The following ABCC8 variants were observed in gnomAD, a reference collection of about 807,000 sequenced individuals.
The protein encoded by ABCC8 is ATP-binding cassette sub-family C member 8.
ABCC8 carries 137 observed loss-of-function variants against 188.0 expected under a neutral mutation model. The ratio of observed to expected loss-of-function variants is 0.73; its 90% CI spans 0.63 to 0.84. The LOEUF is 0.84. ABCC8 is among the 40% of genes least tolerant of loss of function. The probability of loss-of-function intolerance (pLI) is 0.00; values close to 1 mark genes in which losing one functional copy is unlikely to be tolerated. For missense variants in ABCC8, 1,750 were observed against 2,072.7 expected (o/e 0.84, Z 3.02); for synonymous variants, 797 against 846.5 (o/e 0.94, Z 1.01).
At chr11:17,406,270 G>A (rs747577123) in intron 26 of ABCC8, among the ~76,000 whole-genome samples, 2 of 152,154 alleles carry the variant, frequency 1.3e-5, no homozygotes, top group Non-Finnish European at 2.9e-5. Context: ...CTGAGGGAGA[G>A]AGAGTGAGGG....
rs748434141 is a variant in ABCC8, at chr11:17,407,031, C to T, written c.3019G>A (p.Ala1007Thr). 27 of 1,614,042 alleles carry T rather than the reference C, an allele frequency of 1.7e-5. No individual in the cohort carries two copies. Among genetic ancestry groups the T allele is most frequent in the South Asian group, 6.6e-5 (6 of 91,092 alleles). The change falls in exon 25 of 39, where the codon GCC (alanine) becomes ACC (threonine). Residue 1007 changes from alanine to threonine, a missense_variant. Ala to Thr is a moderately conservative substitution (Grantham distance 58). Transcript: ENST00000389817. ...AGCAACGACAGGAGCAGGATGCCGG[C>T]GGAGGACAGGTACTTGGCGCAGGCT... ...WRACAKYLSS[A>T]GILLLSLLVF...
At chr11:17,442,946 C>T in intron 9 of ABCC8, 64 bp from the exon 10 acceptor site, 1 of 1,604,280 alleles carries the variant, frequency 6.2e-7, no homozygotes, top group South Asian at 1.1e-5. Flanking sequence ...AGAGGAAGGC[C>T]TGAGTGTCAA....
chr11:17,473,371 TC>T (rs1237896384), intron 2 of ABCC8, among the ~76,000 whole-genome samples: 2 of 152,040 alleles, frequency 1.3e-5, no homozygotes, highest in African/African-American at 4.8e-5. Context: ...AGCTGCTGCC[TC>T]CAAGTCAAGC....
chr11:17,401,686 T>G (rs1284675308), intron 29 of ABCC8, among the ~76,000 whole-genome samples: 1 of 152,178 alleles, frequency 6.6e-6, no homozygotes, highest in Non-Finnish European at 1.5e-5. Context: ...AGCCCAACTT[T>G]GTGTGTCAGG....
At position 17,443,170 on chromosome 11, in the gene ABCC8, G is replaced by T. The variant is rs1218507375; in HGVS notation, c.1467+8C>A. 2 of 1,613,934 alleles carry T rather than the reference G, an allele frequency of 1.2e-6. No homozygotes were observed. The highest frequency in any genetic ancestry group is 1.7e-6 in the Non-Finnish European group (2 of 1,179,992). Reference sequence around the variant, plus strand: ...AGGGACAAAACACACACACCTTTGGGCACTCACCAGTGTGCTCCGCTGGGC... The same window carrying T: ...AGGGACAAAACACACACACCTTTGGTCACTCACCAGTGTGCTCCGCTGGGC... On this transcript the variant is annotated splice_region_variant and intron_variant, in intron 9 of 38. Coordinates refer to ENST00000389817, the MANE Select transcript of ABCC8 (RefSeq NM_000352.6).
At chr11:17,421,392 G>A (rs1050353062) in intron 16 of ABCC8, among the ~76,000 whole-genome samples, 1 of 152,236 alleles carries the variant, frequency 6.6e-6, no homozygotes. Context: ...CATGTGGAAA[G>A]GAGAGAGATG....
intron 7 of ABCC8, among the ~76,000 whole-genome samples, chr11:17,450,260 CTCT>C (rs1956719191): frequency 4.4e-5 from 3 of 67,664 alleles, no homozygotes; most frequent in African/African-American, 2.1e-4. Context: ...TTCTTTCTTT[CTCT>C]TTCTTTCTTT....
intron 19 of ABCC8, 108 bp from the exon 20 acceptor site, chr11:17,413,586 T>A: frequency 1.2e-6 from 2 of 1,608,208 alleles, no homozygotes; most frequent in African/African-American, 1.3e-5. Flanking sequence ...GGGTGAGCAA[T>A]GGCTTTAATA....
chr11:17,460,503 G>A lies in ABCC8; in HGVS notation c.996C>T (p.Asp332=), dbSNP rs538923562. 2.4e-5 allele frequency: 39 copies of A among 1,614,002 alleles called. No homozygotes were observed. The highest frequency in any genetic ancestry group is 3.2e-5 in the Non-Finnish European group (38 of 1,180,034). The change falls in exon 6 of 39, where the codon GAC becomes GAT. Residue 332 remains aspartate (D), a synonymous_variant. Coordinates refer to ENST00000389817, the MANE Select transcript of ABCC8 (RefSeq NM_000352.6). The part of the protein sequence containing the change: ...GIVDHLGKEN[D]VFQPKTQFLG... ...GGCTGCCTACCTTGGGCTGGAAGAC[G>A]TCGTTCTCCTTCCCAAGGTGGTCCA... is the stretch of plus-strand genomic sequence containing the variant.
chr11:17,464,981 G>A (rs1369087535), intron 3 of ABCC8, among the ~76,000 whole-genome samples: 2 of 152,250 alleles, frequency 1.3e-5, no homozygotes, highest in East Asian at 3.8e-4. Flanking sequence ...GATCTGTCCT[G>A]CCTGGCTCAG....
chr11:17,463,288 C>T (rs563959394), intron 4 of ABCC8, 150 bp downstream of exon 4: 1 of 683,456 alleles, frequency 1.5e-6, no homozygotes, highest in East Asian at 2.8e-5. Flanking sequence ...AAATTTCCGC[C>T]ACGGCCCCAC....
Position 17,408,373 on chromosome 11 carries a change from C to T in ABCC8, c.2820+19G>A, listed in dbSNP as rs773626748. The T allele has an allele frequency of 6.9e-5, 111 of 1,610,660 alleles. No homozygotes were observed. The highest frequency in any genetic ancestry group is 1.3e-4 in the African/African-American group (10 of 74,742). On this transcript the variant is annotated intron_variant, in intron 23 of 38. Coordinates refer to ENST00000389817, the MANE Select transcript of ABCC8 (RefSeq NM_000352.6). ...TTGCATCCAGGGGTGGCTGCTTGGCCATCCCTGGATATACCCACCTTCTCC... is the reference window on the plus strand; with the variant it reads ...TTGCATCCAGGGGTGGCTGCTTGGCTATCCCTGGATATACCCACCTTCTCC...
intron 16 of ABCC8, among the ~76,000 whole-genome samples, chr11:17,424,251 A>G (rs552814122): frequency 1.3e-5 from 2 of 152,338 alleles, no homozygotes; most frequent in South Asian, 4.1e-4. Flanking sequence ...TAGGTGCAGC[A>G]AAGCACCATG....
chr11:17,404,441 G>A lies in ABCC8; in HGVS notation c.3557+71C>T, dbSNP rs138819895. The stretch of plus-strand genomic sequence containing the variant: ...AACACGACCCTATTACTCTCATAAC[G>A]ATGAGTCTAGCAAGTACACCAAACT... On this transcript the variant is annotated intron_variant, in intron 28 of 38. Transcript: ENST00000389817. The surrounding 1 kb of genome is among the most constrained non-coding windows in gnomAD (Gnocchi z 4.7). 1.1e-4 allele frequency: 165 copies of A among 1,464,596 alleles called. 1 individual carries two copies. In the East Asian group the frequency reaches 2.1e-3, roughly 18 times the overall value. The allele number at this position is 1,464,596 out of a possible 1,614,324, so 90.7% of individuals were successfully genotyped here. A position where few individuals can be genotyped will look rare whatever the true frequency, so the allele number is the denominator to read the frequency against.
intron 28 of ABCC8, 132 bp from the exon 29 acceptor site, chr11:17,402,885 C>A: frequency 9.0e-7 from 1 of 1,116,022 alleles, no homozygotes; most frequent in East Asian, 2.5e-5. Context: ...CTTCTTACCC[C>A]GTGAAGGGGG....
chr11:17,420,525 G>T (rs1055639691), intron 16 of ABCC8, among the ~76,000 whole-genome samples: 6 of 152,178 alleles, frequency 3.9e-5, no homozygotes, highest in African/African-American at 1.4e-4. Context: ...GCTCCCCAAA[G>T]GCTCCAGGAA....
rs371222885 is a variant in ABCC8, at chr11:17,411,925, G to A, written c.2556+741C>T. On this transcript the variant is annotated intron_variant, in intron 21 of 38. Transcript: ENST00000389817. ...TTTTTTTTTTTTGAGACAAAGTCTCGGTTTGTCCCCAGGCTGGAGTGCAGT... is the reference window on the plus strand; with the variant it reads ...TTTTTTTTTTTTGAGACAAAGTCTCAGTTTGTCCCCAGGCTGGAGTGCAGT... Among the ~76,000 whole-genome samples the A allele has an allele frequency of 7.0e-5, 10 of 142,564 alleles. No individual in the cohort carries two copies. The East Asian group carries it at 8.0e-4, about 11-fold the overall frequency. The allele number at this position is 142,564 out of a possible 152,430, so 93.5% of individuals were successfully genotyped here. A position where few individuals can be genotyped will look rare whatever the true frequency, so the allele number is the denominator to read the frequency against.
chr11:17,476,238 G>A, intron 1 of ABCC8, among the ~76,000 whole-genome samples: 1 of 152,238 alleles, frequency 6.6e-6, no homozygotes, highest in Non-Finnish European at 1.5e-5. Flanking sequence ...TGACAGGGAG[G>A]CTGCCTTGCG....
chr11:17,397,712 A>G lies in ABCC8; in HGVS notation c.3839T>C (p.Val1280Ala), dbSNP rs1398804664. 6.2e-7 allele frequency: 1 copy of G among 1,613,544 alleles called. No individual in the cohort carries two copies. Among genetic ancestry groups the G allele is most frequent in the Non-Finnish European group, 8.5e-7 (1 of 1,179,996 alleles). The change falls in exon 31 of 39, where the codon GTG becomes GCG. Residue 1280 changes from valine (V) to alanine (A), a missense_variant. Transcript: ENST00000389817. ...SLHRELSAGL[V>A]GLGLTYALMV... is the part of the protein sequence containing the mutation. Reference sequence around the variant, plus strand: ...TAGGGCGTAGGTAAGGCCCAGGCCCACCAGGCCAGCAGAGAGCTCCCTGTG... The same window carrying G: ...TAGGGCGTAGGTAAGGCCCAGGCCCGCCAGGCCAGCAGAGAGCTCCCTGTG...
Sources: gnomAD v4.1 joint callset for allele counts (sites outside exome capture counted in the v4.1 genomes callset) on GRCh38, gnomAD v4.1.1 for gene constraint, Gnocchi (gnomAD v3.1) non-coding constraint, MANE v1.5 for transcripts, NCBI Gene and HGNC (gene_info 2026-07-23, HGNC 2026-07-21) for gene names.